The following POPDC3 variants were observed in gnomAD, a reference collection of about 807,000 sequenced individuals.
The protein encoded by POPDC3 is popeye domain cAMP effector 3.
In POPDC3, 20 loss-of-function variants were observed where a neutral mutation model predicts 28.2. That is an observed-to-expected ratio of 0.71 (90% CI 0.50 to 1.03). The LOEUF is 1.03. POPDC3 is among the 50% of genes least tolerant of loss of function. The pLI is 0.00. For synonymous variants in POPDC3, 118 were observed against 124.1 expected, an observed-to-expected ratio of 0.95 and a Z score of 0.33; for missense variants, 316 against 345.9, an observed-to-expected ratio of 0.91 and a Z score of 0.69.
chr6:105,160,117 A>T (rs1774289588), intron 2 of POPDC3: 1 of 182,614 alleles, frequency 5.5e-6, no homozygotes, highest in African/African-American at 2.3e-5. Context: ...ATACTTCAAT[A>T]AAACATTTTA....
intron 1 of POPDC3, among the ~76,000 whole-genome samples, chr6:105,174,234 T>C (rs1031692435): frequency 1.3e-5 from 2 of 152,204 alleles, no homozygotes; most frequent in African/African-American, 4.8e-5. Flanking sequence ...AGATGGGGTT[T>C]TACAATGTTG....
chr6:105,177,524 A>AGGTT (rs1200816844), intron 1 of POPDC3, among the ~76,000 whole-genome samples: 1 of 152,248 alleles, frequency 6.6e-6, no homozygotes, highest in East Asian at 1.9e-4. Flanking sequence ...TTGTTCAGCT[A>AGGTT]GGAAACAAAC....
rs1216928810 is a variant in POPDC3 at position 105,158,689 on chromosome 6, C to G, written c.657G>C (p.Leu219=). ...AGATGTAGCGATGCTGAGCAAAGAG[C>G]AGATATAATTTCTTTCTCCTCCAAG... is the stretch of plus-strand genomic sequence containing the variant. ...YVSWRRKKLY[L]LFAQHRYISR... Residue 219 remains leucine (L), a synonymous_variant, in exon 4 of 4, where the codon CTG becomes CTC. Coordinates refer to ENST00000254765, the MANE Select transcript of POPDC3 (RefSeq NM_022361.5). The G allele has an allele frequency of 1.2e-6, 2 of 1,613,890 alleles. No homozygotes were observed. The highest frequency in any genetic ancestry group is 2.2e-5 in the South Asian group (2 of 91,072).
chr6:105,158,801 C>T (rs775565023), intron 3 of POPDC3, 50 bp from the exon 4 acceptor site: 28 of 1,474,700 alleles, frequency 1.9e-5, no homozygotes, highest in Non-Finnish European at 2.5e-5. Flanking sequence ...AAGAAAACTT[C>T]TGCCACATTT....
chr6:105,175,987 T>C (rs1192139994), intron 1 of POPDC3, among the ~76,000 whole-genome samples: 1 of 152,198 alleles, frequency 6.6e-6, no homozygotes, highest in East Asian at 1.9e-4. Flanking sequence ...AAAATCTTGA[T>C]CTCAAGATGT....
At chr6:105,179,328 C>T (rs990025220) in intron 1 of POPDC3, 11 of 897,084 alleles carry the variant, frequency 1.2e-5, no homozygotes, top group Non-Finnish European at 1.3e-5. Flanking sequence ...AGGCCCTTTG[C>T]TTACAGACCG....
intron 1 of POPDC3, among the ~76,000 whole-genome samples, chr6:105,178,539 A>G (rs1450287126): frequency 6.6e-6 from 1 of 151,464 alleles, no homozygotes; most frequent in African/African-American, 2.4e-5. Flanking sequence ...ATTTCAATTA[A>G]TATTTGTATC....
chr6:105,171,717 C>T (rs1774581691), intron 1 of POPDC3, among the ~76,000 whole-genome samples: 2 of 151,444 alleles, frequency 1.3e-5, no homozygotes, highest in Admixed American at 6.6e-5. Flanking sequence ...AACCTGTCCT[C>T]ATGGAGCCTG....
At chr6:105,162,217 G>A (rs1433686410) in intron 1 of POPDC3, 57 bp from the exon 2 acceptor site, 3 of 1,018,152 alleles carry the variant, frequency 2.9e-6, no homozygotes, top group Admixed American at 9.5e-5. Context: ...GAATTGTGGG[G>A]TATATTTAAT....
chr6:105,173,058 C>T (rs563984999), intron 1 of POPDC3, among the ~76,000 whole-genome samples: 1 of 152,230 alleles, frequency 6.6e-6, no homozygotes, highest in Non-Finnish European at 1.5e-5. Context: ...TTGTTGCATA[C>T]TAAATTTTAA....
At chr6:105,170,530 C>T (rs1774553972) in intron 1 of POPDC3, among the ~76,000 whole-genome samples, 1 of 152,162 alleles carries the variant, frequency 6.6e-6, no homozygotes, top group African/African-American at 2.4e-5. Flanking sequence ...AGGTGGACCA[C>T]ACATTTGGGT....
At chr6:105,165,693 G>A (rs976941272) in intron 1 of POPDC3, among the ~76,000 whole-genome samples, 5 of 152,158 alleles carry the variant, frequency 3.3e-5, no homozygotes, top group Admixed American at 6.5e-5. Context: ...GAATCCTTTT[G>A]TCTGTTCACA....
At chr6:105,168,520 AT>A (rs1774506132) in intron 1 of POPDC3, among the ~76,000 whole-genome samples, 1 of 152,158 alleles carries the variant, frequency 6.6e-6, no homozygotes, top group Non-Finnish European at 1.5e-5. Context: ...ATCTCTACCC[AT>A]GATTGATCTC....
At chr6:105,162,331 A>G (rs1774354382) in intron 1 of POPDC3, among the ~76,000 whole-genome samples, 171 bp from the exon 2 acceptor site, 2 of 152,220 alleles carry the variant, frequency 1.3e-5, no homozygotes, top group East Asian at 3.8e-4. Context: ...TATAAAAAGT[A>G]TATTTATTAA....
Position 105,161,812 on chromosome 6 carries a change from G to A in POPDC3, c.98C>T (p.Ala33Val). The change falls in exon 2 of 4, where the codon GCC (alanine) becomes GTC (valine). Residue 33 changes from alanine (A) to valine (V), a missense_variant. Coordinates refer to ENST00000254765, the MANE Select transcript of POPDC3 (RefSeq NM_022361.5). Reference protein sequence around the residue: ...QEAEGAIYHLASILFVVGFMG... With the variant: ...QEAEGAIYHLVSILFVVGFMG... ...GAAACCTACTACAAATAAAATACTG[G>A]CAAGATGATAAATGGCTCCTTCGGC... The A allele has an allele frequency of 6.2e-7, 1 of 1,614,182 alleles. No homozygotes were observed. The highest frequency in any genetic ancestry group is 8.5e-7 in the Non-Finnish European group (1 of 1,180,040).
Position 105,162,754 on chromosome 6 carries a change from G to A in POPDC3, c.-251-594C>T, listed in dbSNP as rs560963495. 1.8e-4 allele frequency among the ~76,000 whole-genome samples: 27 copies of A among 152,276 alleles called. No individual in the cohort carries two copies. The South Asian group carries it at 5.6e-3, about 32-fold the overall frequency. On this transcript the variant is annotated intron_variant, in intron 1 of 3. Coordinates refer to ENST00000254765, the MANE Select transcript of POPDC3 (RefSeq NM_022361.5). ...GTATTAATACATATATATATTTGCA[G>A]ATTCATGGACTGCTTCCAGATACAT...
At chr6:105,170,694 A>C (rs1418753295) in intron 1 of POPDC3, among the ~76,000 whole-genome samples, 1 of 152,208 alleles carries the variant, frequency 6.6e-6, no homozygotes, top group African/African-American at 2.4e-5. Flanking sequence ...ATGTGATCCT[A>C]AACAGTCACT....
chr6:105,160,480 C>T lies in POPDC3; in HGVS notation c.486-661G>A, dbSNP rs9404610. Among the ~76,000 whole-genome samples the T allele has an allele frequency of 1.7e-4, 26 of 152,104 alleles. No individual in the cohort carries two copies. In the East Asian group the frequency reaches 4.3e-3, roughly 25 times the overall value. Reference sequence around the variant, plus strand: ...CCACTAGCCTCGGCCTCCCAAAGTGCTGGGATTACAGGCGTGAGCCACCGC... The same window carrying T: ...CCACTAGCCTCGGCCTCCCAAAGTGTTGGGATTACAGGCGTGAGCCACCGC... On this transcript the variant is annotated intron_variant, in intron 2 of 3. Transcript: ENST00000254765.
In POPDC3 at chr6:105,158,469, G is replaced by A. The variant is rs779312528; in HGVS notation, c.*1C>T. ...ATACTTATAAATTTCAGACTTTGAT[G>A]TCATTTATCACAGTATCGTCTGGAA... On this transcript the variant is annotated 3_prime_UTR_variant, in exon 4 of 4. Coordinates refer to ENST00000254765, the MANE Select transcript of POPDC3 (RefSeq NM_022361.5). 1 of 1,593,288 alleles carries A rather than the reference G, an allele frequency of 6.3e-7. No individual in the cohort carries two copies. The highest frequency in any genetic ancestry group is 8.6e-7 in the Non-Finnish European group (1 of 1,167,800).
Sources: allele counts gnomAD v4.1 joint callset (sites outside exome capture counted in the v4.1 genomes callset), GRCh38; gene constraint gnomAD v4.1.1; transcripts MANE v1.5; gene names NCBI Gene and HGNC (gene_info 2026-07-23, HGNC 2026-07-21).